Variants in KANSL1L observed in about 807,000 individuals in gnomAD.
The protein encoded by KANSL1L is KAT8 regulatory NSL complex subunit 1-like protein.
Under a neutral mutation model 108.6 loss-of-function variants are expected in KANSL1L, and 25 were observed. The ratio of observed to expected loss-of-function variants is 0.23; its 90% CI spans 0.17 to 0.32. The LOEUF (loss-of-function observed/expected upper bound fraction) is 0.32, where lower values mean the gene tolerates loss of function less well. Among genes scored for constraint, KANSL1L ranks in the 10% least tolerant of loss-of-function variants. KANSL1L has a pLI of 1.00. For synonymous variants in KANSL1L, 405 were observed against 395.1 expected, an observed-to-expected ratio of 1.03 and a Z score of -0.30; for missense variants, 1,137 against 1,125.7, an observed-to-expected ratio of 1.01 and a Z score of -0.14.
At chr2:210,059,644 G>GAA (rs2094397965) in intron 6 of KANSL1L, among the ~76,000 whole-genome samples, 1 of 152,154 alleles carries the variant, frequency 6.6e-6, no homozygotes, top group Non-Finnish European at 1.5e-5. Context: ...CTGGAGTACA[G>GAA]AATTGTTACA....
chr2:210,163,137 A>G (rs771888732), intron 1 of KANSL1L, among the ~76,000 whole-genome samples: 3 of 152,218 alleles, frequency 2.0e-5, no homozygotes, highest in Admixed American at 6.5e-5. Context: ...CTAAAGGGCA[A>G]ACAACATAGT....
chr2:210,030,740 A>G (rs1339888985), intron 9 of KANSL1L: 1 of 151,942 alleles, frequency 6.6e-6, no homozygotes, highest in Admixed American at 6.6e-5. Context: ...AAAATTGGCC[A>G]TTGTCTCCTA....
chr2:210,077,040 ATAT>A (rs1195680487), intron 5 of KANSL1L, among the ~76,000 whole-genome samples: 1 of 152,214 alleles, frequency 6.6e-6, no homozygotes, highest in Non-Finnish European at 1.5e-5. Flanking sequence ...CTACTATAAA[ATAT>A]TATATTAGCT....
intron 3 of KANSL1L, among the ~76,000 whole-genome samples, chr2:210,121,622 C>G (rs930094672): frequency 5.9e-5 from 9 of 151,958 alleles, no homozygotes; most frequent in Non-Finnish European, 1.2e-4. Context: ...TGTAACACAC[C>G]CGCACTTGTA....
rs57685611 is a variant in KANSL1L at position 210,086,491 on chromosome 2, T to TAAA, written c.1551-10738_1551-10736dup. Among the ~76,000 whole-genome samples the TAAA allele has an allele frequency of 4.3e-3, 610 of 141,102 alleles. 5 individuals carry two copies. The highest frequency in any genetic ancestry group is 0.033 in the Middle Eastern group (9 of 274). The allele number at this position is 141,102 out of a possible 152,430, so 92.6% of individuals were successfully genotyped here. ...ACCATACTGCCAAGATTAATAAAGC[T>TAAA]AAAAAAAAAAAAAACTCTTGACACT... On this transcript the variant is annotated intron_variant, in intron 5 of 14. Transcript: ENST00000281772.
chr2:210,044,229 G>T lies in KANSL1L; in HGVS notation c.1756-125C>A. 1.8e-6 allele frequency: 1 copy of T among 543,296 alleles called. No individual in the cohort carries two copies. The highest frequency in any genetic ancestry group is 3.0e-6 in the Non-Finnish European group (1 of 335,382). The allele number at this position is 543,296 out of a possible 1,614,324, so 33.7% of individuals were successfully genotyped here. Reference sequence around the variant, plus strand: ...CTACAAAAAGTTTTACAAATATTTTGCTAGATGTTTTCCCAATTAACTTTA... The same window carrying T: ...CTACAAAAAGTTTTACAAATATTTTTCTAGATGTTTTCCCAATTAACTTTA... On this transcript the variant is annotated intron_variant, in intron 6 of 14. Coordinates refer to ENST00000281772, the MANE Select transcript of KANSL1L (RefSeq NM_152519.4). The surrounding 1 kb of genome is among the most constrained non-coding windows in gnomAD (Gnocchi z 4.2).
intron 5 of KANSL1L, among the ~76,000 whole-genome samples, chr2:210,087,513 G>GA (rs1416108924): frequency 6.6e-6 from 1 of 152,136 alleles, no homozygotes; most frequent in African/African-American, 2.4e-5. Flanking sequence ...CTATAGGGAA[G>GA]AAAAAATACG....
intron 1 of KANSL1L, among the ~76,000 whole-genome samples, chr2:210,159,216 C>T (rs2095349113): frequency 6.6e-6 from 1 of 152,206 alleles, no homozygotes; most frequent in Non-Finnish European, 1.5e-5. Flanking sequence ...AAACACCGGC[C>T]TCTATGCTGT....
chr2:210,129,990 C>CA (rs11439121), intron 2 of KANSL1L, among the ~76,000 whole-genome samples: 105,232 of 135,744 alleles, frequency 0.78, 40,555 homozygotes, highest in East Asian at 0.95. Flanking sequence ...ATGCAGATTG[C>CA]AAAAAAAAAA....
At chr2:210,036,228 C>G (rs1163650012) in intron 8 of KANSL1L, among the ~76,000 whole-genome samples, 1 of 152,210 alleles carries the variant, frequency 6.6e-6, no homozygotes, top group East Asian at 1.9e-4. Context: ...GTCACCCAAG[C>G]TGGAGTGCAG....
chr2:210,095,912 A>G (rs1316841098), intron 5 of KANSL1L, among the ~76,000 whole-genome samples: 1 of 152,188 alleles, frequency 6.6e-6, no homozygotes, highest in Non-Finnish European at 1.5e-5. Context: ...AACACACATT[A>G]TGTACCAACT....
chr2:210,156,916 T>C (rs1345510713), intron 1 of KANSL1L, among the ~76,000 whole-genome samples: 1 of 151,878 alleles, frequency 6.6e-6, no homozygotes, highest in Non-Finnish European at 1.5e-5. Context: ...AGTTTCTGTA[T>C]GTCTCAAAAT....
chr2:210,147,352 C>T (rs1465094566), intron 2 of KANSL1L, among the ~76,000 whole-genome samples: 1 of 152,176 alleles, frequency 6.6e-6, no homozygotes, highest in Non-Finnish European at 1.5e-5. Flanking sequence ...GTCCTAGCTA[C>T]TCAGGCAGGA....
At position 210,158,001 on chromosome 2, in the gene KANSL1L, T is replaced by C. The variant is rs529857432; in HGVS notation, c.-29-3390A>G. Among the ~76,000 whole-genome samples, 12 of 152,298 alleles carry C rather than the reference T, an allele frequency of 7.9e-5. No individual in the cohort carries two copies. In the South Asian group the frequency reaches 2.3e-3, roughly 29 times the overall value. ...ATTAAAAGTGGCTAAGGCCCATTTATGGTAGAGAACTAGAATAAAACATAT... is the reference window on the plus strand; with the variant it reads ...ATTAAAAGTGGCTAAGGCCCATTTACGGTAGAGAACTAGAATAAAACATAT... On this transcript the variant is annotated intron_variant, in intron 1 of 14. Transcript: ENST00000281772.
chr2:210,122,015 T>C (rs180751640), intron 3 of KANSL1L, among the ~76,000 whole-genome samples: 2 of 152,092 alleles, frequency 1.3e-5, no homozygotes, highest in Admixed American at 6.5e-5. Flanking sequence ...CTATAAAACA[T>C]TGATGAAAGA....
At chr2:210,095,443 T>C (rs1321523653) in intron 5 of KANSL1L, among the ~76,000 whole-genome samples, 7 of 152,100 alleles carry the variant, frequency 4.6e-5, no homozygotes, top group Non-Finnish European at 7.4e-5. Context: ...CAACAGATAT[T>C]TTCAGTACTC....
rs577969140 is a variant in KANSL1L at position 210,056,423 on chromosome 2, A to C, written c.1756-12319T>G. Among the ~76,000 whole-genome samples, 20 of 152,348 alleles carry C rather than the reference A, an allele frequency of 1.3e-4. No homozygotes were observed. In the South Asian group the frequency reaches 3.9e-3, roughly 30 times the overall value. ...TTCCCTGATGTTGTGCTAATCACCG[A>C]ATCATTATCATCATCAACGTCATTC... On this transcript the variant is annotated intron_variant, in intron 6 of 14. Transcript: ENST00000281772.
chr2:210,096,532 CTA>C, intron 5 of KANSL1L: 2 of 980,062 alleles, frequency 2.0e-6, no homozygotes, highest in South Asian at 4.7e-5. Flanking sequence ...ACACATGTAA[CTA>C]TGTGTGTAAC....
intron 2 of KANSL1L, among the ~76,000 whole-genome samples, chr2:210,148,039 T>A (rs931950294): frequency 1.3e-5 from 2 of 152,230 alleles, no homozygotes; most frequent in Non-Finnish European, 2.9e-5. Flanking sequence ...TGCCTTAATC[T>A]GTTGAAAAGA....
Sources: gnomAD v4.1 joint callset for allele counts (sites outside exome capture counted in the v4.1 genomes callset) on GRCh38, gnomAD v4.1.1 for gene constraint, Gnocchi (gnomAD v3.1) non-coding constraint, MANE v1.5 for transcripts, NCBI Gene and HGNC (gene_info 2026-07-23, HGNC 2026-07-21) for gene names.